The following TECR variants were observed in gnomAD, a reference collection of about 807,000 sequenced individuals.
TECR encodes very-long-chain enoyl-CoA reductase.
Under a neutral mutation model 50.6 loss-of-function variants are expected in TECR, and 19 were observed. That is an observed-to-expected ratio of 0.38 (90% CI 0.26 to 0.55). The LOEUF is 0.55. Among genes scored for constraint, TECR ranks in the 20% least tolerant of loss-of-function variants. The pLI is 0.79. For synonymous variants in TECR, 168 were observed against 163.5 expected (o/e 1.03, Z -0.21); for missense variants, 313 against 408.3 (o/e 0.77, Z 2.01).
chr19:14,556,758 T>C (rs1187131834), intron 1 of TECR, among the ~76,000 whole-genome samples: 1 of 152,190 alleles, frequency 6.6e-6, no homozygotes, highest in Non-Finnish European at 1.5e-5. Flanking sequence ...ACATCGGCTT[T>C]GGGACTGTTC....
chr19:14,535,688 GA>G (rs2072872588), intron 1 of TECR, among the ~76,000 whole-genome samples: 1 of 137,776 alleles, frequency 7.3e-6, no homozygotes, highest in East Asian at 2.1e-4. Flanking sequence ...CTGGGAGGTG[GA>G]GGTCGCGGAC....
At chr19:14,529,512 A>AG (rs781159055), upstream of TECR, 2 of 773,556 alleles carry the variant, frequency 2.6e-6, no homozygotes, top group East Asian at 2.6e-5. Flanking sequence ...CCCAAGGAGC[A>AG]GGGGCGAACG....
chr19:14,539,967 C>T (rs1348993509), intron 1 of TECR, among the ~76,000 whole-genome samples: 1 of 151,966 alleles, frequency 6.6e-6, no homozygotes, highest in Non-Finnish European at 1.5e-5. Context: ...GCAACCTCCA[C>T]CTCCCGGGTT....
At chr19:14,533,843 A>G (rs1444836278) in intron 1 of TECR, 1 of 152,220 alleles carries the variant, frequency 6.6e-6, no homozygotes, top group East Asian at 1.9e-4. Flanking sequence ...TCTTGGGGTC[A>G]GAGCTAGGTC....
chr19:14,552,161 CTTTCTTTTTTCT>C (rs2073546876), intron 1 of TECR, among the ~76,000 whole-genome samples: 1 of 147,388 alleles, frequency 6.8e-6, no homozygotes, highest in African/African-American at 2.5e-5. Flanking sequence ...TTCTTTCTTT[CTTTCTTTTTTCT>C]TTTTTTTTTT....
chr19:14,539,068 G>C (rs2073005434), intron 1 of TECR, among the ~76,000 whole-genome samples: 1 of 149,922 alleles, frequency 6.7e-6, no homozygotes, highest in Non-Finnish European at 1.5e-5. Flanking sequence ...CCGCCTCCCG[G>C]GTTCATGCGA....
intron 1 of TECR, chr19:14,530,716 G>GA (rs1306869717): frequency 2.0e-5 from 3 of 152,102 alleles, no homozygotes; most frequent in Admixed American, 6.6e-5. Context: ...GTCCTCAAAT[G>GA]AAAAATAGCA....
Position 14,564,943 on chromosome 19 carries a change from CTT to C in TECR, c.563-5_563-4del. 1 of 1,614,094 alleles carries C rather than the reference CTT, an allele frequency of 6.2e-7. No individual in the cohort carries two copies. Among genetic ancestry groups the C allele is most frequent in the Non-Finnish European group, 8.5e-7 (1 of 1,180,040 alleles). ...TCATGGGCTCCCCTCCCTGCTTCCT[CTT>C]CAGCCTACGGAGCTCAGCAGGTGAA... On this transcript the variant is annotated splice_polypyrimidine_tract_variant and splice_region_variant and intron_variant, in intron 8 of 12. Coordinates refer to ENST00000215567, the MANE Select transcript of TECR (RefSeq NM_138501.6).
intron 1 of TECR, chr19:14,530,600 CAG>C (rs2072604269): frequency 6.6e-6 from 1 of 152,066 alleles, no homozygotes; most frequent in Non-Finnish European, 1.5e-5. Context: ...AATAAAGTCT[CAG>C]AGATATAAAG....
At position 14,564,054 on chromosome 19, in the gene TECR, G is replaced by T. The variant is rs1568430717; in HGVS notation, c.340G>T (p.Gly114Cys). 6.2e-7 allele frequency: 1 copy of T among 1,613,690 alleles called. No individual in the cohort carries two copies. Among genetic ancestry groups the T allele is most frequent in the Non-Finnish European group, 8.5e-7 (1 of 1,179,908 alleles). The stretch of plus-strand genomic sequence containing the variant: ...CTACTTCCGAGTGCCCTTCATCTAT[G>T]GCCACAAATATGACTTTACGTCCAG... The part of the protein sequence containing the change: ...LFYFRVPFIY[G>C]HKYDFTSSRH... The change falls in exon 6 of 13, where the codon GGC (glycine) becomes TGC (cysteine). Residue 114 changes from glycine to cysteine, a missense_variant. Transcript: ENST00000215567.
chr19:14,537,313 A>C (rs1352316611), intron 1 of TECR, among the ~76,000 whole-genome samples: 1 of 149,426 alleles, frequency 6.7e-6, no homozygotes, highest in African/African-American at 2.5e-5. Context: ...GGACCGAGTA[A>C]CAAGAAGGTG....
chr19:14,560,110 CCT>C (rs1266901138), intron 1 of TECR, among the ~76,000 whole-genome samples: 2 of 152,182 alleles, frequency 1.3e-5, no homozygotes, highest in East Asian at 3.8e-4. Context: ...GAGCGTGGCC[CCT>C]CTCTCGCTAC....
chr19:14,561,570 G>T (rs2073903867), intron 1 of TECR, among the ~76,000 whole-genome samples: 1 of 152,180 alleles, frequency 6.6e-6, no homozygotes, highest in South Asian at 2.1e-4. Context: ...TGGGGCGCAG[G>T]TCCTGGGTGA....
At chr19:14,532,974 G>A (rs1301715268) in intron 1 of TECR, among the ~76,000 whole-genome samples, 2 of 151,828 alleles carry the variant, frequency 1.3e-5, no homozygotes, top group African/African-American at 4.8e-5. Context: ...GCTGGGTATG[G>A]TGGCACGTGC....
chr19:14,552,464 C>T (rs1450308009), intron 1 of TECR, among the ~76,000 whole-genome samples: 3 of 151,984 alleles, frequency 2.0e-5, no homozygotes, highest in East Asian at 3.9e-4. Flanking sequence ...TTACCTTGGG[C>T]GAGGGCTTCC....
chr19:14,557,080 C>G (rs930065090), intron 1 of TECR, among the ~76,000 whole-genome samples: 2 of 151,864 alleles, frequency 1.3e-5, no homozygotes, highest in African/African-American at 4.8e-5. Flanking sequence ...CCCTTGTGCA[C>G]CTGGCATGGC....
chr19:14,555,033 T>G (rs1341361891), intron 1 of TECR, among the ~76,000 whole-genome samples: 2 of 151,812 alleles, frequency 1.3e-5, no homozygotes, highest in Non-Finnish European at 2.9e-5. Context: ...CACGTCCGCC[T>G]CCCAGAGTGC....
intron 1 of TECR, among the ~76,000 whole-genome samples, chr19:14,545,483 C>T (rs2073273881): frequency 6.6e-6 from 1 of 152,142 alleles, no homozygotes; most frequent in African/African-American, 2.4e-5. Context: ...TTGTTCATGT[C>T]CCCTTGAGCA....
In TECR at chr19:14,562,147, G is replaced by A. The variant is rs578258186; in HGVS notation, c.16-378G>A. 8.4e-4 allele frequency: 472 copies of A among 564,442 alleles called. 4 individuals carry two copies. The highest frequency in any genetic ancestry group is 7.2e-3 in the Middle Eastern group (15 of 2,088). The allele number at this position is 564,442 out of a possible 1,614,324, so 35.0% of individuals were successfully genotyped here. A position where few individuals can be genotyped will look rare whatever the true frequency, so the allele number is the denominator to read the frequency against. ...GTCTGTGGCATGGCTCCTGGGGGGC[G>A]CAGTCTGGGGTGGTTTTATATTTAG... On this transcript the variant is annotated intron_variant, in intron 1 of 12. Transcript: ENST00000215567.
Sources: allele counts gnomAD v4.1 joint callset (sites outside exome capture counted in the v4.1 genomes callset), GRCh38; gene constraint gnomAD v4.1.1; transcripts MANE v1.5; gene names NCBI Gene and HGNC (gene_info 2026-07-23, HGNC 2026-07-21).